ZNF831: variants seen among roughly 807,000 people sequenced by gnomAD.
ZNF831 encodes the protein zinc finger protein 831, also known as chromosome 20 open reading frame 174.
Under a neutral mutation model 95.8 loss-of-function variants are expected in ZNF831, and 59 were observed. The observed-to-expected ratio is 0.62, with a 90% CI of 0.50 to 0.77. The LOEUF (loss-of-function observed/expected upper bound fraction) is 0.77, where lower values mean the gene tolerates loss of function less well. Ranked by LOEUF, ZNF831 falls within the 30% of genes least tolerant of loss-of-function variation. ZNF831 has a pLI of 0.00. For synonymous variants in ZNF831, 961 were observed against 925.5 expected (o/e 1.04, Z -0.70); for missense variants, 2,205 against 2,164.0 (o/e 1.02, Z -0.38).
chr20:59,254,758 C>T lies in ZNF831; in HGVS notation c.*15C>T, dbSNP rs762958264. 3.2e-6 allele frequency: 5 copies of T among 1,542,850 alleles called. No homozygotes were observed. The highest frequency in any genetic ancestry group is 4.3e-6 in the Non-Finnish European group (5 of 1,150,222). ...TAGAAATATGAAGCTTCCAGAGAAA[C>T]ATGGTGTCTGGTCAAAAAGACTGTT... On this transcript the variant is annotated 3_prime_UTR_variant, in exon 6 of 6. Coordinates refer to ENST00000371030, the MANE Select transcript of ZNF831 (RefSeq NM_178457.3). This position sits in a 1 kb window ranked among gnomAD's most constrained non-coding sequence, Gnocchi z 4.5.
In ZNF831 at chr20:59,191,226, G is replaced by A. The variant is rs2146544443; in HGVS notation, c.207G>A (p.Gly69=). ...PIPLYHTVPP[G]GLQPRAPLVT... is the part of the protein sequence containing the mutation. ...CACTGTACCACACGGTGCCTCCCGG[G>A]GGCCTCCAGCCCCGCGCCCCGCTAG... The change falls in exon 2 of 6, where the codon GGG becomes GGA. Residue 69 remains glycine, a synonymous_variant. Transcript: ENST00000371030. 1 of 1,554,748 alleles carries A rather than the reference G, an allele frequency of 6.4e-7. No individual in the cohort carries two copies. Among genetic ancestry groups the A allele is most frequent in the Non-Finnish European group, 8.7e-7 (1 of 1,151,568 alleles).
rs148944131 is a variant in ZNF831, at chr20:59,226,407, C to T, written c.4027+19351C>T. ...CACCAGGCCAGGCCTCCACCCATTC[C>T]CATCTTTTTCTTACCCCTCCCTGCT... On this transcript the variant is annotated intron_variant, in intron 4 of 5. Transcript: ENST00000371030. Among the ~76,000 whole-genome samples the T allele has an allele frequency of 2.0e-5, 3 of 152,200 alleles. No individual in the cohort carries two copies. In the East Asian group the frequency reaches 5.8e-4, roughly 29 times the overall value.
At position 59,206,890 on chromosome 20, in the gene ZNF831, T is replaced by TTC. The variant is rs753416986; in HGVS notation, c.3876-9_3876-8dup. 1.9e-6 allele frequency: 3 copies of TTC among 1,610,720 alleles called. No individual in the cohort carries two copies. The Admixed American group carries it at 5.0e-5, about 27-fold the overall frequency. On this transcript the variant is annotated splice_polypyrimidine_tract_variant and intron_variant, in intron 3 of 5. Coordinates refer to ENST00000371030, the MANE Select transcript of ZNF831 (RefSeq NM_178457.3). The stretch of plus-strand genomic sequence containing the variant: ...TCCAGGCTGGTTACTGCAAGCATGC[T>TTC]TCTCTCTTCTACAGGTACAAAGGGA...
At chr20:59,202,366 G>A (rs1019812565) in intron 3 of ZNF831, among the ~76,000 whole-genome samples, 1 of 105,444 alleles carries the variant, frequency 9.5e-6, no homozygotes, top group Non-Finnish European at 1.8e-5. Flanking sequence ...CTAATGTTTT[G>A]CATCTGACAA....
chr20:59,221,415 G>A (rs943894776), intron 4 of ZNF831, among the ~76,000 whole-genome samples: 2 of 152,144 alleles, frequency 1.3e-5, no homozygotes, highest in African/African-American at 4.8e-5. Flanking sequence ...TGGCAATACT[G>A]TGCTCTTGTA....
chr20:59,229,674 G>A (rs749554153), intron 4 of ZNF831, among the ~76,000 whole-genome samples: 26 of 152,250 alleles, frequency 1.7e-4, no homozygotes, highest in South Asian at 6.2e-4. Flanking sequence ...ACTATAGCTG[G>A]TCCAGGATAT....
At position 59,253,913 on chromosome 20, in the gene ZNF831, G is replaced by A. The variant is rs1047775582; in HGVS notation, c.4204G>A (p.Ala1402Thr). The change falls in exon 6 of 6, where the codon GCT (alanine) becomes ACT (threonine). Residue 1402 changes from alanine to threonine, a missense_variant. Transcript: ENST00000371030. ...KRTVKDISPSAGEHGDCTTHS... is the reference protein window; with the variant it reads ...KRTVKDISPSTGEHGDCTTHS... ...TTTGTTGCAGGATATTTCTCCATCT[G>A]CTGGTGAGCATGGTGACTGTACTAC... 2 of 1,522,564 alleles carry A rather than the reference G, an allele frequency of 1.3e-6. No homozygotes were observed. The highest frequency in any genetic ancestry group is 1.8e-6 in the Non-Finnish European group (2 of 1,129,678). 94.3% of individuals were successfully genotyped at this position (1,522,564 alleles called of 1,614,324 possible). A position where few individuals can be genotyped will look rare whatever the true frequency, so the allele number is the denominator to read the frequency against.
intron 2 of ZNF831, among the ~76,000 whole-genome samples, chr20:59,150,762 G>A (rs1230114199): frequency 6.6e-6 from 1 of 152,214 alleles, no homozygotes; most frequent in Non-Finnish European, 1.5e-5. Context: ...GAGGTGTGTA[G>A]TGATTTGTTG....
rs1005218423 is a variant in ZNF831 at position 59,176,749 on chromosome 20, G to A, written c.-37+12542G>A. 3.3e-4 allele frequency among the ~76,000 whole-genome samples: 50 copies of A among 152,166 alleles called. 1 individual carries two copies. The highest frequency in any genetic ancestry group is 2.9e-5 in the Non-Finnish European group (2 of 68,038). On this transcript the variant is annotated intron_variant, in intron 1 of 5. Coordinates refer to ENST00000371030, the MANE Select transcript of ZNF831 (RefSeq NM_178457.3). Reference sequence around the variant, plus strand: ...TATTCTGAATCACGTCAGTATTTGGGACGCTTCTTCCTACCCTTTATTTGA... The same window carrying A: ...TATTCTGAATCACGTCAGTATTTGGAACGCTTCTTCCTACCCTTTATTTGA...
At chr20:59,235,956 C>G (rs1986974806) in intron 4 of ZNF831, among the ~76,000 whole-genome samples, 1 of 152,158 alleles carries the variant, frequency 6.6e-6, no homozygotes, top group Admixed American at 6.5e-5. Flanking sequence ...GGTAAATAGA[C>G]TAATAATTTT....
chr20:59,203,247 T>A (rs1170199610), intron 3 of ZNF831, among the ~76,000 whole-genome samples: 1 of 152,244 alleles, frequency 6.6e-6, no homozygotes, highest in Non-Finnish European at 1.5e-5. Context: ...TAAAGACAAC[T>A]ATGGACCACG....
chr20:59,190,099 G>C (rs1300251169), intron 1 of ZNF831, among the ~76,000 whole-genome samples: 1 of 152,162 alleles, frequency 6.6e-6, no homozygotes, highest in Non-Finnish European at 1.5e-5. Flanking sequence ...GGCTTAGAGG[G>C]AACCAGTTTT....
intron 5 of ZNF831, 56 bp downstream of exon 5, chr20:59,253,194 C>T: frequency 6.3e-7 from 1 of 1,581,492 alleles, no homozygotes; most frequent in Non-Finnish European, 8.6e-7. Context: ...ATGTATAGCC[C>T]TGCTTGTTCT....
intron 1 of ZNF831, among the ~76,000 whole-genome samples, chr20:59,189,378 T>C (rs774040007): frequency 3.3e-5 from 5 of 152,350 alleles, no homozygotes; most frequent in Admixed American, 3.3e-4. Flanking sequence ...AACGTATCTT[T>C]TAATTAGGGC....
intron 1 of ZNF831, among the ~76,000 whole-genome samples, chr20:59,140,778 T>C (rs1210373171): frequency 6.6e-6 from 1 of 152,228 alleles, no homozygotes; most frequent in Non-Finnish European, 1.5e-5. Flanking sequence ...TGATATCTTA[T>C]CATGGTTTTA....
Position 59,192,777 on chromosome 20 carries a change from C to A in ZNF831, c.1758C>A (p.Asp586Glu). The change falls in exon 2 of 6, where the codon GAC (aspartate) becomes GAA (glutamate). Residue 586 changes from aspartate to glutamate, a missense_variant. By Grantham distance (45) the Asp-to-Glu change is conservative (BLOSUM62 2). Transcript: ENST00000371030. This position sits in a 1 kb window ranked among gnomAD's most constrained non-coding sequence, Gnocchi z 5.2. ...GDALVPAEDT[D>E]AKRTAAREAM... The stretch of plus-strand genomic sequence containing the variant: ...CCCTGGTGCCCGCAGAGGACACAGA[C>A]GCAAAGAGAACTGCTGCGCGGGAGG... 1 of 1,612,576 alleles carries A rather than the reference C, an allele frequency of 6.2e-7. No homozygotes were observed. Among genetic ancestry groups the A allele is most frequent in the Non-Finnish European group, 8.5e-7 (1 of 1,179,808 alleles).
Position 59,254,537 on chromosome 20 carries a change from A to G in ZNF831, c.4828A>G (p.Ser1610Gly), listed in dbSNP as rs2146771472. Residue 1610 changes from serine to glycine, a missense_variant, in exon 6 of 6, where the codon AGT becomes GGT. Transcript: ENST00000371030. The surrounding 1 kb of genome is among the most constrained non-coding windows in gnomAD (Gnocchi z 4.5). Reference sequence around the variant, plus strand: ...GACTGTCCCCTGCCCCTCTTTAGGAAGTGACGGTAGGAAACGTCAGGTATC... The same window carrying G: ...GACTGTCCCCTGCCCCTCTTTAGGAGGTGACGGTAGGAAACGTCAGGTATC... ...EMTVPCPSLG[S>G]DGRKRQVSGL... The G allele has an allele frequency of 6.2e-7, 1 of 1,614,106 alleles. No homozygotes were observed.
intron 1 of ZNF831, among the ~76,000 whole-genome samples, chr20:59,144,988 C>T (rs1005107639): frequency 3.3e-5 from 5 of 152,176 alleles, no homozygotes; most frequent in African/African-American, 1.2e-4. Flanking sequence ...CATGCACGGG[C>T]AGGAGCAGTG....
intron 1 of ZNF831, among the ~76,000 whole-genome samples, chr20:59,187,811 C>T (rs1171959766): frequency 6.6e-6 from 1 of 152,196 alleles, no homozygotes; most frequent in Non-Finnish European, 1.5e-5. Flanking sequence ...TCCCCATTCT[C>T]CCCCTCCTCT....
Sources: allele counts gnomAD v4.1 joint callset (sites outside exome capture counted in the v4.1 genomes callset), GRCh38; gene constraint gnomAD v4.1.1; non-coding constraint Gnocchi (gnomAD v3.1); transcripts MANE v1.5; gene names NCBI Gene and HGNC (gene_info 2026-07-23, HGNC 2026-07-21).